Variants in ADGRL2 observed in about 807,000 individuals in gnomAD.
The protein encoded by ADGRL2 is calcium-independent alpha-latrotoxin receptor 2.
In ADGRL2, 44 loss-of-function variants were observed where a neutral mutation model predicts 157.4. The ratio of observed to expected loss-of-function variants is 0.28; its 90% CI spans 0.22 to 0.36. ADGRL2 has a LOEUF of 0.36. ADGRL2 is among the 10% of genes least tolerant of loss of function. The pLI is 1.00. For missense variants in ADGRL2, 1,510 were observed against 1,768.9 expected (o/e 0.85, Z 2.63); for synonymous variants, 585 against 624.7 (o/e 0.94, Z 0.95).
chr1:81,537,840 C>T (rs942465543), intron 2 of ADGRL2, among the ~76,000 whole-genome samples: 1 of 151,904 alleles, frequency 6.6e-6, no homozygotes, highest in African/African-American at 2.4e-5. Flanking sequence ...CCTGGGATTA[C>T]AGGTGTTCAC....
At chr1:81,786,706 G>C (rs1311031508) in intron 2 of ADGRL2, among the ~76,000 whole-genome samples, 1 of 152,108 alleles carries the variant, frequency 6.6e-6, no homozygotes, top group Non-Finnish European at 1.5e-5. Flanking sequence ...CATATCTGGG[G>C]CCATCAACTA....
intron 1 of ADGRL2, among the ~76,000 whole-genome samples, chr1:81,387,584 G>C (rs2076459935): frequency 6.6e-6 from 1 of 152,078 alleles, no homozygotes; most frequent in African/African-American, 2.4e-5. Context: ...CTTGGCCTAT[G>C]TCATGTAACT....
chr1:81,799,274 T>C (rs560564252), upstream of ADGRL2, among the ~76,000 whole-genome samples: 1 of 150,258 alleles, frequency 6.7e-6, no homozygotes, highest in East Asian at 1.9e-4. Flanking sequence ...TTGAATTATG[T>C]TATGTAAGAA....
chr1:81,988,506 A>G (rs1663830622), intron 23 of ADGRL2: 1 of 152,088 alleles, frequency 6.6e-6, no homozygotes, highest in Non-Finnish European at 1.5e-5. Flanking sequence ...AGCACATAAC[A>G]TGAATTTATG....
At chr1:81,621,514 G>T (rs536141859) in intron 3 of ADGRL2, among the ~76,000 whole-genome samples, 1 of 152,246 alleles carries the variant, frequency 6.6e-6, no homozygotes, top group East Asian at 1.9e-4. Context: ...GGTGCCTAAG[G>T]CCTCAGGGCA....
chr1:81,942,891 A>G lies in ADGRL2; in HGVS notation c.410-78A>G, dbSNP rs1007517186. 1.2e-5 allele frequency: 13 copies of G among 1,050,092 alleles called. No individual in the cohort carries two copies. In the Admixed American group the frequency reaches 2.1e-4, roughly 17 times the overall value. 65.0% of individuals were successfully genotyped at this position (1,050,092 alleles called of 1,614,324 possible). On this transcript the variant is annotated intron_variant, in intron 5 of 23. Transcript: ENST00000686636. Reference sequence around the variant, plus strand: ...TAATAATATGAATTTTTCCCTTTTGATTTGTGATCACTGAAACTTGTTTGC... The same window carrying G: ...TAATAATATGAATTTTTCCCTTTTGGTTTGTGATCACTGAAACTTGTTTGC...
rs770097166 is a variant in ADGRL2, at chr1:81,943,473, C to T, written c.914C>T (p.Thr305Met). ...LNPYTLRFEATWETVYDKRAA... is the reference protein window; with the variant it reads ...LNPYTLRFEAMWETVYDKRAA... ...CCATACACTCTTCGATTTGAAGCAA[C>T]GTGGGAGACTGTATACGACAAACGT... is the stretch of plus-strand genomic sequence containing the variant. Residue 305 changes from threonine (T) to methionine (M), a missense_variant, in exon 6 of 24, where the codon ACG becomes ATG. By Grantham distance (81) the Thr-to-Met change is moderately conservative (BLOSUM62 -1). Transcript: ENST00000686636. The surrounding 1 kb of genome is among the most constrained non-coding windows in gnomAD (Gnocchi z 5.6). 15 of 1,613,532 alleles carry T rather than the reference C, an allele frequency of 9.3e-6. No individual in the cohort carries two copies. The highest frequency in any genetic ancestry group is 1.3e-5 in the African/African-American group (1 of 74,850).
At chr1:81,627,278 G>T (rs2081930165) in intron 3 of ADGRL2, among the ~76,000 whole-genome samples, 1 of 152,048 alleles carries the variant, frequency 6.6e-6, no homozygotes, top group African/African-American at 2.4e-5. Flanking sequence ...TCATGCCTGT[G>T]TCTTTTCCCA....
At chr1:81,558,296 A>T (rs1446999710) in intron 2 of ADGRL2, among the ~76,000 whole-genome samples, 1 of 152,242 alleles carries the variant, frequency 6.6e-6, no homozygotes, top group East Asian at 1.9e-4. Context: ...CTAAGAACAA[A>T]TATAAGAACA....
intron 1 of ADGRL2, among the ~76,000 whole-genome samples, chr1:81,717,253 A>T (rs2084148932): frequency 6.6e-6 from 1 of 152,200 alleles, no homozygotes; most frequent in Non-Finnish European, 1.5e-5. Context: ...TGAACCAGTT[A>T]TATATGATTC....
At chr1:81,486,447 T>G (rs980332860) in intron 2 of ADGRL2, among the ~76,000 whole-genome samples, 8 of 152,100 alleles carry the variant, frequency 5.3e-5, no homozygotes, top group African/African-American at 1.9e-4. Context: ...TTGTACTAAC[T>G]ACTTTGGGAA....
chr1:81,541,675 C>A (rs866217357), intron 2 of ADGRL2, among the ~76,000 whole-genome samples: 3 of 151,992 alleles, frequency 2.0e-5, no homozygotes, highest in African/African-American at 4.8e-5. Flanking sequence ...TCCGGCTGGG[C>A]ACGGTTGCTC....
chr1:81,803,173 G>T (rs2088557511), intron 1 of ADGRL2, among the ~76,000 whole-genome samples: 1 of 152,084 alleles, frequency 6.6e-6, no homozygotes, highest in Non-Finnish European at 1.5e-5. Context: ...AGAGAAAGGC[G>T]TGGGAGGAGC....
intron 1 of ADGRL2, among the ~76,000 whole-genome samples, chr1:81,705,163 T>C (rs1033430516): frequency 3.3e-5 from 5 of 152,160 alleles, no homozygotes; most frequent in African/African-American, 1.2e-4. Context: ...AGCAGTTCTC[T>C]GCCTCATCCT....
At chr1:81,566,242 T>C (rs182311592) in intron 2 of ADGRL2, among the ~76,000 whole-genome samples, 9 of 152,284 alleles carry the variant, frequency 5.9e-5, no homozygotes, top group African/African-American at 2.2e-4. Context: ...GCCATTAGGT[T>C]GTTCCTGATT....
At chr1:81,478,906 G>T (rs2078327522) in intron 2 of ADGRL2, among the ~76,000 whole-genome samples, 3 of 149,200 alleles carry the variant, frequency 2.0e-5, no homozygotes, top group South Asian at 4.3e-4. Context: ...CTGTTTCATT[G>T]CAGTTATTTC....
At chr1:81,870,240 A>G (rs1386607246) in intron 2 of ADGRL2, among the ~76,000 whole-genome samples, 1 of 151,934 alleles carries the variant, frequency 6.6e-6, no homozygotes, top group Non-Finnish European at 1.5e-5. Flanking sequence ...TTTACTCCTA[A>G]TTACATAAAT....
chr1:81,687,223 A>T (rs1300038413), intron 3 of ADGRL2, among the ~76,000 whole-genome samples: 3 of 151,974 alleles, frequency 2.0e-5, no homozygotes, highest in Non-Finnish European at 4.4e-5. Flanking sequence ...TGTCTTGATG[A>T]CCTGTCTAGT....
chr1:81,761,047 A>T (rs1177282385), intron 1 of ADGRL2, among the ~76,000 whole-genome samples: 1 of 151,936 alleles, frequency 6.6e-6, no homozygotes, highest in Non-Finnish European at 1.5e-5. Context: ...TCTAAGTAGG[A>T]CATCCTTCAA....
Sources: allele counts gnomAD v4.1 joint callset (sites outside exome capture counted in the v4.1 genomes callset), GRCh38; gene constraint gnomAD v4.1.1; non-coding constraint Gnocchi (gnomAD v3.1); transcripts MANE v1.5; gene names NCBI Gene and HGNC (gene_info 2026-07-23, HGNC 2026-07-21).